Variants in HDC observed in about 807,000 individuals in gnomAD.
The protein encoded by HDC is histidine decarboxylase.
HDC carries 27 observed loss-of-function variants against 64.4 expected under a neutral mutation model. The ratio of observed to expected loss-of-function variants is 0.42; its 90% CI spans 0.31 to 0.58. HDC has a LOEUF of 0.58. Ranked by LOEUF, HDC falls within the 20% of genes least tolerant of loss-of-function variation. HDC has a pLI of 0.16. For synonymous variants in HDC, 305 were observed against 314.2 expected, an observed-to-expected ratio of 0.97 and a Z score of 0.31; for missense variants, 711 against 833.9, an observed-to-expected ratio of 0.85 and a Z score of 1.81.
chr15:50,254,326 C>T, intron 5 of HDC, 53 bp from the exon 6 acceptor site: 2 of 1,605,850 alleles, frequency 1.2e-6, no homozygotes, highest in South Asian at 1.1e-5. Flanking sequence ...AATGATCACC[C>T]CCCAGAAACT....
intron 2 of HDC, 28 bp from the exon 3 acceptor site, chr15:50,258,545 C>T: frequency 7.5e-7 from 1 of 1,339,364 alleles, no homozygotes; most frequent in Non-Finnish European, 1.1e-6. Context: ...ACAGAGTTGG[C>T]ACCAGGAGGC....
rs1235758182 is a variant in HDC, at chr15:50,248,152, T to A, written c.1140+93A>T. 1 of 856,590 alleles carries A rather than the reference T, an allele frequency of 1.2e-6. No homozygotes were observed. The highest frequency in any genetic ancestry group is 2.0e-6 in the Non-Finnish European group (1 of 511,000). 53.1% of individuals were successfully genotyped at this position (856,590 alleles called of 1,614,324 possible). On this transcript the variant is annotated intron_variant, in intron 10 of 11. Coordinates refer to ENST00000267845, the MANE Select transcript of HDC (RefSeq NM_002112.4). This position sits in a 1 kb window ranked among gnomAD's most constrained non-coding sequence, Gnocchi z 4.3. Reference sequence around the variant, plus strand: ...ACACCTGAACCACACACCGCAAGTCTCCTAGGCAGATCTGCAAAGTAGAAA... The same window carrying A: ...ACACCTGAACCACACACCGCAAGTCACCTAGGCAGATCTGCAAAGTAGAAA...
intron 1 of HDC, among the ~76,000 whole-genome samples, chr15:50,264,337 C>T (rs1338155223): frequency 6.6e-6 from 1 of 152,084 alleles, no homozygotes; most frequent in Non-Finnish European, 1.5e-5. Flanking sequence ...AAAGCACAAC[C>T]ATGGATCCAG....
At chr15:50,257,678 C>T (rs1038144261) in intron 3 of HDC, 131 bp from the exon 4 acceptor site, 32 of 989,154 alleles carry the variant, frequency 3.2e-5, no homozygotes, top group Middle Eastern at 2.3e-4. Context: ...TGTTAGGCCA[C>T]GTGCCTCTCT....
At chr15:50,253,980 C>G in intron 6 of HDC, 150 bp downstream of exon 6, 1 of 817,916 alleles carries the variant, frequency 1.2e-6, no homozygotes, top group South Asian at 1.4e-5. Flanking sequence ...CATAACACAC[C>G]TATGGATAGC....
At chr15:50,255,803 AAATAAT>A (rs1351400972) in intron 4 of HDC, among the ~76,000 whole-genome samples, 1 of 152,146 alleles carries the variant, frequency 6.6e-6, no homozygotes, top group African/African-American at 2.4e-5. Context: ...CTGTTTTTAA[AAATAAT>A]AATAATGGTA....
intron 2 of HDC, among the ~76,000 whole-genome samples, chr15:50,258,832 G>T (rs2140939943): frequency 6.6e-6 from 1 of 152,238 alleles, no homozygotes; most frequent in East Asian, 1.9e-4. Context: ...TTAGTCCCCA[G>T]TACTTACCCC....
intron 9 of HDC, among the ~76,000 whole-genome samples, chr15:50,249,289 TAC>T (rs1480971323): frequency 6.6e-6 from 1 of 152,238 alleles, no homozygotes; most frequent in East Asian, 1.9e-4. Flanking sequence ...GGAAAACATT[TAC>T]AGTTATTCTA....
chr15:50,247,581 T>C (rs967959664), intron 10 of HDC, among the ~76,000 whole-genome samples: 1 of 152,168 alleles, frequency 6.6e-6, no homozygotes, highest in Non-Finnish European at 1.5e-5. Flanking sequence ...TGTGGACTCT[T>C]GTAGAAGTGG....
intron 1 of HDC, among the ~76,000 whole-genome samples, chr15:50,265,343 C>G (rs2045753486): frequency 6.6e-6 from 1 of 151,564 alleles, no homozygotes; most frequent in Admixed American, 6.6e-5. Flanking sequence ...GGAGGAAAAG[C>G]AAGGCACGGT....
chr15:50,242,561 T>C lies in HDC; in HGVS notation c.1688A>G (p.His563Arg). The C allele has an allele frequency of 6.2e-7, 1 of 1,614,174 alleles. No individual in the cohort carries two copies. The highest frequency in any genetic ancestry group is 8.5e-7 in the Non-Finnish European group (1 of 1,180,020). Reference sequence around the variant, plus strand: ...ACTGAACAGGAAGGAGGACAGCTTGTGCTTGGTGGCATCTGGGGCCTCTTC... The same window carrying C: ...ACTGAACAGGAAGGAGGACAGCTTGCGCTTGGTGGCATCTGGGGCCTCTTC... ...FSEEAPDATK[H>R]KLSSFLFSYL... The change falls in exon 12 of 12, where the codon CAC becomes CGC. Residue 563 changes from histidine (H) to arginine (R), a missense_variant. Physicochemically the swap from His to Arg is conservative, Grantham distance 29. This residue lies in a region of HDC where 483 missense variants were observed against 540.9 expected (regional missense o/e 0.89). Transcript: ENST00000267845.
At chr15:50,254,087 C>T (rs761150503) in intron 6 of HDC, 43 bp downstream of exon 6, 8 of 1,611,428 alleles carry the variant, frequency 5.0e-6, no homozygotes, top group East Asian at 2.2e-5. Context: ...TTCCTCACAT[C>T]CAAGTTCTAT....
chr15:50,265,314 C>A (rs2045753120), intron 1 of HDC, among the ~76,000 whole-genome samples: 1 of 151,712 alleles, frequency 6.6e-6, no homozygotes, highest in Non-Finnish European at 1.5e-5. Flanking sequence ...TCCAAATCCT[C>A]AATTTTGTGG....
In HDC at chr15:50,257,455, G is replaced by A. The variant is rs1242715474; in HGVS notation, c.411C>T (p.His137=). The A allele has an allele frequency of 5.6e-6, 9 of 1,614,136 alleles. No homozygotes were observed. Among genetic ancestry groups the A allele is most frequent in the Non-Finnish European group, 7.6e-6 (9 of 1,180,054 alleles). The change falls in exon 4 of 12, where the codon CAC becomes CAT. Residue 137 remains histidine (H), a synonymous_variant. Coordinates refer to ENST00000267845, the MANE Select transcript of HDC (RefSeq NM_002112.4). ...LGLPEHFLHH[H]PSSQGGGVLQ... ...GGACGCCTCCGCCCTGGCTGCTGGG[G>A]TGGTGGTGCAAGAAGTGCTCTGGAA... is the stretch of plus-strand genomic sequence containing the variant.
chr15:50,263,164 T>C (rs2045725812), intron 2 of HDC, 71 bp downstream of exon 2: 5 of 1,530,684 alleles, frequency 3.3e-6, no homozygotes, highest in African/African-American at 1.4e-5. Flanking sequence ...AAAGCAGGTC[T>C]TTCTCCAGGC....
chr15:50,248,618 GC>G lies in HDC; in HGVS notation c.1042-276del, dbSNP rs538754441. On this transcript the variant is annotated intron_variant, in intron 9 of 11. Transcript: ENST00000267845. The surrounding 1 kb of genome is among the most constrained non-coding windows in gnomAD (Gnocchi z 4.3). ...CCTGAACCAATGAGAAGGGCACTTTGCTTTCAAGTGCTGCTTTAAACATTTC... is the reference window on the plus strand; with the variant it reads ...CCTGAACCAATGAGAAGGGCACTTTGTTTCAAGTGCTGCTTTAAACATTTC... Among the ~76,000 whole-genome samples, 348 of 152,330 alleles carry G rather than the reference GC, an allele frequency of 2.3e-3. 2 individuals carry two copies. The highest frequency in any genetic ancestry group is 8.2e-3 in the African/African-American group (341 of 41,576).
intron 10 of HDC, among the ~76,000 whole-genome samples, chr15:50,243,794 T>C (rs868511861): frequency 6.6e-6 from 1 of 152,174 alleles, no homozygotes; most frequent in South Asian, 2.1e-4. Context: ...TTTCATCCCC[T>C]GTTTCTGACA....
intron 7 of HDC, 26 bp downstream of exon 7, chr15:50,253,574 C>A (rs921543061): frequency 6.2e-7 from 1 of 1,602,142 alleles, no homozygotes; most frequent in Non-Finnish European, 8.6e-7. Context: ...TCCTTGTCTT[C>A]CTAGCCACAG....
At chr15:50,244,072 A>G (rs958380686) in intron 10 of HDC, among the ~76,000 whole-genome samples, 1 of 152,196 alleles carries the variant, frequency 6.6e-6, no homozygotes, top group African/African-American at 2.4e-5. Flanking sequence ...TGAAGTTCAT[A>G]CCATCTTTTT....
Sources: allele counts gnomAD v4.1 joint callset (sites outside exome capture counted in the v4.1 genomes callset), GRCh38; gene constraint gnomAD v4.1.1; regional missense constraint gnomAD v4.1.1; non-coding constraint Gnocchi (gnomAD v3.1); transcripts MANE v1.5; gene names NCBI Gene and HGNC (gene_info 2026-07-23, HGNC 2026-07-21).